SLC25A21: variants seen among roughly 807,000 people sequenced by gnomAD.
The protein encoded by SLC25A21 is solute carrier family 25 member 21.
A neutral mutation model predicts 43.8 loss-of-function variants in SLC25A21; 47 were observed. The observed-to-expected ratio is 1.07, with a 90% CI of 0.85 to 1.37. The LOEUF (loss-of-function observed/expected upper bound fraction) is 1.37, where lower values mean the gene tolerates loss of function less well. SLC25A21 is among the 40% of genes most tolerant of loss of function. The pLI, the probability that SLC25A21 is intolerant of heterozygous loss-of-function variation, is 0.00. For missense variants in SLC25A21, 352 were observed against 350.2 expected, an observed-to-expected ratio of 1.00 and a Z score of -0.04; for synonymous variants, 131 against 121.3, an observed-to-expected ratio of 1.08 and a Z score of -0.52.
intron 3 of SLC25A21, among the ~76,000 whole-genome samples, chr14:36,799,252 G>A (rs74044991): frequency 0.04 from 6,089 of 152,150 alleles, 395 homozygotes; most frequent in African/African-American, 0.14. Context: ...GTGAAGACAA[G>A]GATGTAGAAA....
chr14:36,921,118 C>G (rs1300430166), intron 1 of SLC25A21, among the ~76,000 whole-genome samples: 1 of 152,068 alleles, frequency 6.6e-6, no homozygotes, highest in Non-Finnish European at 1.5e-5. Context: ...AAACTGAATC[C>G]TCCTTTAATG....
In SLC25A21 at chr14:37,094,957, G is replaced by T. The variant is rs536988205; in HGVS notation, c.70+77324C>A. On this transcript the variant is annotated intron_variant, in intron 1 of 9. Transcript: ENST00000331299. Reference sequence around the variant, plus strand: ...GAAAATTGCTAAGAGATTAAATTTTGGGTATTCTCACCACACACACAAAAA... The same window carrying T: ...GAAAATTGCTAAGAGATTAAATTTTTGGTATTCTCACCACACACACAAAAA... 5.3e-5 allele frequency among the ~76,000 whole-genome samples: 8 copies of T among 152,142 alleles called. No individual in the cohort carries two copies. The East Asian group carries it at 1.2e-3, about 22-fold the overall frequency.
chr14:37,108,882 A>C (rs1364150448), intron 1 of SLC25A21, among the ~76,000 whole-genome samples: 1 of 151,900 alleles, frequency 6.6e-6, no homozygotes, highest in Non-Finnish European at 1.5e-5. Context: ...TCAGTTTTCA[A>C]TTTTCTGTTC....
At chr14:36,799,531 T>G (rs1396998855) in intron 3 of SLC25A21, among the ~76,000 whole-genome samples, 1 of 152,210 alleles carries the variant, frequency 6.6e-6, no homozygotes, top group Admixed American at 6.6e-5. Context: ...AATAGTTTAG[T>G]GCCCTAACTG....
At chr14:36,904,486 G>T (rs550175487) in intron 1 of SLC25A21, among the ~76,000 whole-genome samples, 4 of 152,250 alleles carry the variant, frequency 2.6e-5, no homozygotes, top group African/African-American at 9.6e-5. Flanking sequence ...AACTAAGGAA[G>T]TTCTTGATTT....
At chr14:36,695,966 G>T (rs957351306) in intron 7 of SLC25A21, among the ~76,000 whole-genome samples, 1 of 152,178 alleles carries the variant, frequency 6.6e-6, no homozygotes, top group South Asian at 2.1e-4. Context: ...TGGTGACAGA[G>T]GGCATCCTTG....
intron 1 of SLC25A21, among the ~76,000 whole-genome samples, chr14:37,069,638 G>A (rs1429372084): frequency 6.6e-6 from 1 of 152,098 alleles, no homozygotes; most frequent in East Asian, 1.9e-4. Context: ...CATACTGGGA[G>A]AGACAGCAAA....
chr14:37,082,095 G>A (rs2138839555), intron 1 of SLC25A21, among the ~76,000 whole-genome samples: 1 of 152,238 alleles, frequency 6.6e-6, no homozygotes, highest in Non-Finnish European at 1.5e-5. Context: ...ACATGGATGG[G>A]GTTAGAGGTC....
intron 2 of SLC25A21, among the ~76,000 whole-genome samples, chr14:36,838,755 G>A (rs1335069373): frequency 1.3e-5 from 2 of 152,184 alleles, no homozygotes; most frequent in South Asian, 2.1e-4. Context: ...TCATGGTAAC[G>A]TGAAATGATG....
At chr14:36,755,962 A>C (rs1251727734) in intron 3 of SLC25A21, among the ~76,000 whole-genome samples, 1 of 152,174 alleles carries the variant, frequency 6.6e-6, no homozygotes. Flanking sequence ...CCATCCAGCC[A>C]CATGTTTCTC....
At chr14:36,911,391 T>C (rs1185477819) in intron 1 of SLC25A21, among the ~76,000 whole-genome samples, 2 of 152,138 alleles carry the variant, frequency 1.3e-5, no homozygotes, top group Non-Finnish European at 2.9e-5. Context: ...AGCGTTCGGA[T>C]CCCATCCTGG....
At chr14:36,824,802 TAAA>T (rs11386652) in intron 2 of SLC25A21, among the ~76,000 whole-genome samples, 4 of 99,594 alleles carry the variant, frequency 4.0e-5, no homozygotes, top group African/African-American at 1.2e-4. Context: ...TCTGGAATCC[TAAA>T]AAAAAAAAAA....
chr14:36,830,751 T>A (rs1261853415), intron 2 of SLC25A21, among the ~76,000 whole-genome samples: 4 of 152,154 alleles, frequency 2.6e-5, no homozygotes, highest in African/African-American at 7.2e-5. Context: ...GAAACCCACA[T>A]CATCCCCTCC....
In SLC25A21 at chr14:36,882,298, G is replaced by C. The variant is rs541025881; in HGVS notation, c.71-7294C>G. 2.6e-5 allele frequency among the ~76,000 whole-genome samples: 4 copies of C among 152,296 alleles called. No homozygotes were observed. The South Asian group carries it at 8.3e-4, about 32-fold the overall frequency. Reference sequence around the variant, plus strand: ...CTTGGGAGGCTGAGGCAGGAGAATTGCTTGAACCTGGGAGGCAGTGGTTGC... The same window carrying C: ...CTTGGGAGGCTGAGGCAGGAGAATTCCTTGAACCTGGGAGGCAGTGGTTGC... On this transcript the variant is annotated intron_variant, in intron 1 of 9. Transcript: ENST00000331299.
At chr14:37,099,837 T>C (rs1016161847) in intron 1 of SLC25A21, among the ~76,000 whole-genome samples, 1 of 152,108 alleles carries the variant, frequency 6.6e-6, no homozygotes, top group Admixed American at 6.6e-5. Context: ...TAAAATCATA[T>C]GGGTGGTAAG....
At chr14:36,986,677 G>T (rs75239783) in intron 1 of SLC25A21, among the ~76,000 whole-genome samples, 225 of 152,208 alleles carry the variant, frequency 1.5e-3, no homozygotes, top group African/African-American at 5.1e-3. Flanking sequence ...ACTATTTACT[G>T]CTGACTTTTC....
Position 37,045,015 on chromosome 14 carries a change from G to A in SLC25A21, c.70+127266C>T, listed in dbSNP as rs141141736. On this transcript the variant is annotated intron_variant, in intron 1 of 9. Transcript: ENST00000331299. ...ACATTTTCTTTTGGAGATGAAAAAG[G>A]GAGACAGTCTGGTTTCCCACTCTCC... is the stretch of plus-strand genomic sequence containing the variant. 5.6e-3 allele frequency among the ~76,000 whole-genome samples: 853 copies of A among 152,220 alleles called. 7 individuals are homozygous for A. Among genetic ancestry groups the A allele is most frequent in the African/African-American group, 0.015 (612 of 41,528 alleles).
At chr14:37,007,687 G>GA (rs1023800255) in intron 1 of SLC25A21, among the ~76,000 whole-genome samples, 14 of 151,352 alleles carry the variant, frequency 9.2e-5, no homozygotes, top group Admixed American at 3.9e-4. Context: ...CTCTTGGTAA[G>GA]AAAAAAAAGC....
At chr14:36,926,569 G>C (rs1433496038) in intron 1 of SLC25A21, among the ~76,000 whole-genome samples, 1 of 152,054 alleles carries the variant, frequency 6.6e-6, no homozygotes, top group Non-Finnish European at 1.5e-5. Flanking sequence ...CAAGAGTGCA[G>C]GTAAAAGAAA....
Sources: gnomAD v4.1 joint callset for allele counts (sites outside exome capture counted in the v4.1 genomes callset) on GRCh38, gnomAD v4.1.1 for gene constraint, MANE v1.5 for transcripts, NCBI Gene and HGNC (gene_info 2026-07-23, HGNC 2026-07-21) for gene names.